Variants in KLHL5 observed in about 807,000 individuals in gnomAD.
KLHL5 encodes kelch like family member 5, also known as kelch-like protein 5.
KLHL5 carries 48 observed loss-of-function variants against 77.7 expected under a neutral mutation model. The ratio of observed to expected loss-of-function variants is 0.62; its 90% CI spans 0.49 to 0.79. KLHL5 has a LOEUF of 0.79. Ranked by LOEUF, KLHL5 falls within the 30% of genes least tolerant of loss-of-function variation. The pLI is 0.00. For missense variants in KLHL5, 723 were observed against 859.7 expected, an observed-to-expected ratio of 0.84 and a Z score of 1.99; for synonymous variants, 260 against 297.0, an observed-to-expected ratio of 0.88 and a Z score of 1.28.
intron 6 of KLHL5, among the ~76,000 whole-genome samples, chr4:39,101,845 CAAAA>C (rs139956032): frequency 9.5e-6 from 1 of 105,364 alleles, no homozygotes; most frequent in South Asian, 3.1e-4. Flanking sequence ...CAGTCTGTCT[CAAAA>C]AAAAAAAAAA....
intron 5 of KLHL5, 65 bp from the exon 6 acceptor site, chr4:39,096,626 AT>A: frequency 4.4e-6 from 5 of 1,147,724 alleles, no homozygotes; most frequent in South Asian, 1.7e-5. Flanking sequence ...GAACTATGTC[AT>A]TTTTTTCTGT....
chr4:39,113,185 T>A lies in KLHL5; in HGVS notation c.1854T>A (p.Asp618Glu). 1 of 1,614,102 alleles carries A rather than the reference T, an allele frequency of 6.2e-7. No homozygotes were observed. The highest frequency in any genetic ancestry group is 8.5e-7 in the Non-Finnish European group (1 of 1,179,972). ...TGCTGTATGCTATAGGGGGGCACGA[T>A]GCTCCCGCATCCAACTTGACTTCCA... ...NGLLYAIGGH[D>E]APASNLTSRL... The change falls in exon 9 of 11, where the codon GAT becomes GAA. Residue 618 changes from aspartate (D) to glutamate (E), a missense_variant. Asp to Glu is a conservative substitution (Grantham distance 45). Around this residue, in one of 3 missense-constraint regions of KLHL5, gnomAD observed 214 missense variants for 237.4 expected, o/e 0.90. Transcript: ENST00000504108.
chr4:39,100,260 T>G (rs967858363), intron 6 of KLHL5, among the ~76,000 whole-genome samples: 31 of 152,180 alleles, frequency 2.0e-4, no homozygotes, highest in Non-Finnish European at 2.9e-5. Context: ...GGGGACTAGA[T>G]ACTAAGCACC....
At chr4:39,066,318 A>G (rs925092705) in intron 1 of KLHL5, among the ~76,000 whole-genome samples, 4 of 152,062 alleles carry the variant, frequency 2.6e-5, no homozygotes, top group Non-Finnish European at 5.9e-5. Context: ...CCATGTAACC[A>G]TAGTATAAAC....
intron 1 of KLHL5, among the ~76,000 whole-genome samples, chr4:39,072,028 A>T (rs531554733): frequency 6.6e-6 from 1 of 152,300 alleles, no homozygotes; most frequent in African/African-American, 2.4e-5. Flanking sequence ...TGCTTCAGGA[A>T]TGGCCTATTC....
At chr4:39,100,387 C>T (rs894912458) in intron 6 of KLHL5, among the ~76,000 whole-genome samples, 2 of 152,196 alleles carry the variant, frequency 1.3e-5, no homozygotes, top group African/African-American at 4.8e-5. Context: ...TGCTGCCATC[C>T]TTCTAATTCC....
At chr4:39,062,177 C>T (rs1717474945), upstream of KLHL5, 1 of 873,714 alleles carries the variant, frequency 1.1e-6, no homozygotes. Flanking sequence ...CTATAGAATA[C>T]ATTTATTGTT....
the KLHL5 span, among the ~76,000 whole-genome samples, chr4:39,142,053 A>T: frequency 1.3e-5 from 2 of 152,210 alleles, no homozygotes; most frequent in African/African-American, 2.4e-5. Flanking sequence ...TGTTATGTTT[A>T]GCATGCCGTG....
At chr4:39,069,732 A>T (rs1451870652) in intron 1 of KLHL5, among the ~76,000 whole-genome samples, 1 of 151,926 alleles carries the variant, frequency 6.6e-6, no homozygotes, top group African/African-American at 2.4e-5. Context: ...TCTCAATCTT[A>T]TTGTACATAT....
Position 39,081,955 on chromosome 4 carries a change from T to C in KLHL5, c.704-8T>C, listed in dbSNP as rs745365774. On this transcript the variant is annotated splice_polypyrimidine_tract_variant and splice_region_variant and intron_variant, in intron 3 of 10. Transcript: ENST00000504108. This position sits in a 1 kb window ranked among gnomAD's most constrained non-coding sequence, Gnocchi z 4.3. ...CCATGGCTAATGGAATTTCTTTTTA[T>C]CATTAAGGCCGCCTTGAATTAAAAG... The C allele has an allele frequency of 5.7e-6, 9 of 1,566,850 alleles. 1 individual carries two copies. Among genetic ancestry groups the C allele is most frequent in the Middle Eastern group, 1.7e-4 (1 of 5,804 alleles).
intron 6 of KLHL5, among the ~76,000 whole-genome samples, chr4:39,098,132 T>C (rs1213673021): frequency 2.2e-5 from 3 of 137,908 alleles, no homozygotes; most frequent in Admixed American, 7.1e-5. Flanking sequence ...CAAGAATCCA[T>C]CTCAAAAAAA....
the KLHL5 span, among the ~76,000 whole-genome samples, chr4:39,142,350 G>A: frequency 2.0e-5 from 3 of 150,822 alleles, no homozygotes; most frequent in Admixed American, 6.6e-5. Flanking sequence ...AGCTGAGATC[G>A]CGCCATTGCA....
At chr4:39,139,765 C>G in the KLHL5 span, among the ~76,000 whole-genome samples, 1 of 152,232 alleles carries the variant, frequency 6.6e-6, no homozygotes, top group Admixed American at 6.5e-5. Context: ...AATAGTATCA[C>G]TTCTGTGATG....
chr4:39,107,129 C>G (rs1230727885), intron 7 of KLHL5, among the ~76,000 whole-genome samples: 2 of 151,060 alleles, frequency 1.3e-5, no homozygotes, highest in African/African-American at 2.4e-5. Flanking sequence ...CTCACTGCTA[C>G]CTCTGCCCCC....
chr4:39,104,420 C>A (rs1721866285), intron 7 of KLHL5, among the ~76,000 whole-genome samples: 2 of 152,060 alleles, frequency 1.3e-5, no homozygotes, highest in African/African-American at 2.4e-5. Context: ...CCATAAAATC[C>A]AGGGTAAATA....
intron 4 of KLHL5, 75 bp from the exon 5 acceptor site, chr4:39,086,440 G>C: frequency 1.8e-6 from 2 of 1,117,950 alleles, no homozygotes; most frequent in Non-Finnish European, 2.7e-6. Context: ...AATATAAAAA[G>C]CTTTTACTTT....
At chr4:39,088,396 A>G (rs554686540) in intron 5 of KLHL5, among the ~76,000 whole-genome samples, 4 of 152,310 alleles carry the variant, frequency 2.6e-5, no homozygotes, top group Admixed American at 2.0e-4. Flanking sequence ...CAAAATTACA[A>G]TGTGATTGCA....
chr4:39,141,518 A>G, the KLHL5 span, among the ~76,000 whole-genome samples: 5 of 151,898 alleles, frequency 3.3e-5, no homozygotes, highest in African/African-American at 1.2e-4. Flanking sequence ...TCACCGTGTT[A>G]GCCAGGATGG....
At chr4:39,069,428 TTTTATATATATATATATATATATATATA>T (rs143023531) in intron 1 of KLHL5, among the ~76,000 whole-genome samples, 55,367 of 128,228 alleles carry the variant, frequency 0.43, 12,008 homozygotes, top group Admixed American at 0.55. Flanking sequence ...CCTATTAACA[TTTTATATATATATATATATATATATATA>T]TATATATATA....
Sources: gnomAD v4.1 joint callset for allele counts (sites outside exome capture counted in the v4.1 genomes callset) on GRCh38, gnomAD v4.1.1 for gene constraint, gnomAD v4.1.1 regional missense constraint, Gnocchi (gnomAD v3.1) non-coding constraint, MANE v1.5 for transcripts, NCBI Gene and HGNC (gene_info 2026-07-23, HGNC 2026-07-21) for gene names.